DYM: variants seen among roughly 807,000 people sequenced by gnomAD.
DYM encodes the protein dymeclin.
DYM carries 78 observed loss-of-function variants against 93.1 expected under a neutral mutation model. The observed-to-expected ratio is 0.84, with a 90% CI of 0.70 to 1.01. DYM has a LOEUF of 1.01. Among genes scored for constraint, DYM ranks in the 50% least tolerant of loss-of-function variants. The pLI, the probability that DYM is intolerant of heterozygous loss-of-function variation, is 0.00. For synonymous variants in DYM, 321 were observed against 319.7 expected (o/e 1.00, Z -0.04); for missense variants, 789 against 845.0 (o/e 0.93, Z 0.82).
chr18:49,272,775 G>C (rs1296483197), intron 10 of DYM, among the ~76,000 whole-genome samples: 1 of 152,000 alleles, frequency 6.6e-6, no homozygotes, highest in East Asian at 1.9e-4. Context: ...TGGAACCCAA[G>C]GTGCATTTTC....
intron 6 of DYM, among the ~76,000 whole-genome samples, chr18:49,354,917 C>T (rs1379008069): frequency 6.6e-6 from 1 of 152,014 alleles, no homozygotes. Context: ...CATTCATCTA[C>T]TCTGTATGAT....
intron 6 of DYM, among the ~76,000 whole-genome samples, chr18:49,355,290 T>C (rs1443310603): frequency 1.3e-5 from 2 of 151,966 alleles, no homozygotes; most frequent in African/African-American, 4.8e-5. Context: ...TAGATATGCA[T>C]TGATATCTAT....
At chr18:49,260,655 C>T (rs1366263743) in intron 11 of DYM, among the ~76,000 whole-genome samples, 1 of 152,078 alleles carries the variant, frequency 6.6e-6, no homozygotes, top group Admixed American at 6.5e-5. Context: ...GACAGAAGAA[C>T]ATGTTACCAC....
intron 13 of DYM, among the ~76,000 whole-genome samples, chr18:49,221,471 G>A (rs2093354834): frequency 6.6e-6 from 1 of 152,082 alleles, no homozygotes; most frequent in African/African-American, 2.4e-5. Flanking sequence ...GTTTATTGCA[G>A]CACTATTCAC....
chr18:49,285,326 C>T (rs1469632843), intron 9 of DYM, among the ~76,000 whole-genome samples: 2 of 152,130 alleles, frequency 1.3e-5, no homozygotes. Flanking sequence ...TGGCACAGCC[C>T]ATCAGAAGGC....
chr18:49,086,037 T>C (rs1481826615), intron 17 of DYM, among the ~76,000 whole-genome samples: 1 of 152,250 alleles, frequency 6.6e-6, no homozygotes, highest in Non-Finnish European at 1.5e-5. Context: ...CACAGCTTAA[T>C]GTTTCCTTTC....
chr18:49,135,368 C>A (rs1251278426), intron 15 of DYM, among the ~76,000 whole-genome samples: 1 of 152,172 alleles, frequency 6.6e-6, no homozygotes, highest in African/African-American at 2.4e-5. Flanking sequence ...CAAGAGTTAA[C>A]AGGCCAGGCT....
chr18:49,251,684 T>C (rs963540598), intron 13 of DYM, among the ~76,000 whole-genome samples: 2 of 152,130 alleles, frequency 1.3e-5, no homozygotes, highest in African/African-American at 4.8e-5. Flanking sequence ...TAGCAGCTGC[T>C]GCCGCTCCCG....
rs977303781 is a variant in DYM at position 49,040,861 on chromosome 18, T to C, written c.*3194A>G. On this transcript the variant is annotated 3_prime_UTR_variant, in exon 18 of 18. Coordinates refer to ENST00000675505, the MANE Select transcript of DYM (RefSeq NM_001353214.3). ...AAAGGACGAAATGTTGCTTAAAGTA[T>C]GATATATTAACAATTCCAGTGCTTA... 6.6e-6 allele frequency among the ~76,000 whole-genome samples: 1 copy of C among 152,228 alleles called. No individual in the cohort carries two copies. Among genetic ancestry groups the C allele is most frequent in the Non-Finnish European group, 1.5e-5 (1 of 68,052 alleles).
At chr18:49,050,254 T>C (rs1308184822) in intron 17 of DYM, among the ~76,000 whole-genome samples, 1 of 150,082 alleles carries the variant, frequency 6.7e-6, no homozygotes, top group Non-Finnish European at 1.5e-5. Context: ...GCCCGGCTAG[T>C]TTTTTTTTGT....
chr18:49,218,971 GT>G (rs1481541618), intron 13 of DYM, among the ~76,000 whole-genome samples: 1 of 151,790 alleles, frequency 6.6e-6, no homozygotes, highest in Non-Finnish European at 1.5e-5. Context: ...TCAGGAGCTG[GT>G]TTTTTGAAAG....
intron 2 of DYM, among the ~76,000 whole-genome samples, chr18:49,422,484 T>C (rs1440902737): frequency 6.6e-6 from 1 of 152,126 alleles, no homozygotes; most frequent in African/African-American, 2.4e-5. Flanking sequence ...AGAAACTGCA[T>C]CAACTAAAGG....
chr18:49,156,632 T>C (rs1214004285), intron 15 of DYM, among the ~76,000 whole-genome samples: 1 of 149,332 alleles, frequency 6.7e-6, no homozygotes, highest in Non-Finnish European at 1.5e-5. Flanking sequence ...CTTGGGAGGC[T>C]GAGGCAGGAG....
At chr18:49,323,098 A>C (rs747178777) in intron 8 of DYM, among the ~76,000 whole-genome samples, 24 of 152,338 alleles carry the variant, frequency 1.6e-4, no homozygotes, top group Non-Finnish European at 3.2e-4. Flanking sequence ...AAAATTAGAA[A>C]AGAGAATAAC....
intron 14 of DYM, among the ~76,000 whole-genome samples, chr18:49,167,180 G>C (rs1455221377): frequency 2.0e-5 from 3 of 152,020 alleles, no homozygotes; most frequent in Non-Finnish European, 4.4e-5. Flanking sequence ...GAGAAGAAAG[G>C]CTAGTTTGTT....
At chr18:49,331,477 G>C (rs1354201756) in intron 8 of DYM, among the ~76,000 whole-genome samples, 1 of 152,192 alleles carries the variant, frequency 6.6e-6, no homozygotes, top group Non-Finnish European at 1.5e-5. Flanking sequence ...CACCTAATTA[G>C]TCACATGAAA....
At chr18:49,456,727 T>C (rs2083016166) in intron 1 of DYM, among the ~76,000 whole-genome samples, 1 of 152,184 alleles carries the variant, frequency 6.6e-6, no homozygotes. Context: ...GCCCCACTAG[T>C]TCATTTTGTC....
intron 1 of DYM, among the ~76,000 whole-genome samples, chr18:49,451,194 G>T (rs377187186): frequency 2.6e-5 from 4 of 152,292 alleles, no homozygotes; most frequent in African/African-American, 7.2e-5. Flanking sequence ...AAAACTTGAA[G>T]CATGATTGTT....
intron 16 of DYM, among the ~76,000 whole-genome samples, chr18:49,115,692 A>T (rs1240389367): frequency 6.6e-6 from 1 of 152,216 alleles, no homozygotes; most frequent in Non-Finnish European, 1.5e-5. Context: ...TTGGAAAACC[A>T]GGAATATCTC....
Sources: allele counts gnomAD v4.1 joint callset (sites outside exome capture counted in the v4.1 genomes callset), GRCh38; gene constraint gnomAD v4.1.1; transcripts MANE v1.5; gene names NCBI Gene and HGNC (gene_info 2026-07-23, HGNC 2026-07-21).